GABBR2: variants seen among roughly 807,000 people sequenced by gnomAD.
GABBR2 encodes gamma-aminobutyric acid type B receptor subunit 2, also known as G-protein coupled receptor 51.
A neutral mutation model predicts 105.6 loss-of-function variants in GABBR2; 23 were observed. The observed-to-expected ratio is 0.22, with a 90% confidence interval of 0.16 to 0.31. The LOEUF (loss-of-function observed/expected upper bound fraction) is 0.31, where lower values mean the gene tolerates loss of function less well. Among genes scored for constraint, GABBR2 ranks in the 10% least tolerant of loss-of-function variants. The pLI is 1.00. For synonymous variants in GABBR2, 478 were observed against 499.7 expected, an observed-to-expected ratio of 0.96 and a Z score of 0.58; for missense variants, 734 against 1,245.5, an observed-to-expected ratio of 0.59 and a Z score of 6.18.
In GABBR2 at chr9:98,454,319, C is replaced by T; in HGVS notation, c.1000-102G>A. 1.3e-6 allele frequency: 1 copy of T among 792,506 alleles called. No individual in the cohort carries two copies. The highest frequency in any genetic ancestry group is 2.2e-6 in the Non-Finnish European group (1 of 445,356). The allele number at this position is 792,506 out of a possible 1,614,324, so 49.1% of individuals were successfully genotyped here. ...GCTATTCTTCAATGCCCACAGGGTG[C>T]CAGGTACAGTGCTAGATTCTACGTG... On this transcript the variant is annotated intron_variant, in intron 6 of 18. Transcript: ENST00000259455. The surrounding 1 kb of genome is among the most constrained non-coding windows in gnomAD (Gnocchi z 4.6).
intron 2 of GABBR2, among the ~76,000 whole-genome samples, chr9:98,545,286 G>A (rs1204411083): frequency 1.3e-5 from 2 of 152,110 alleles, no homozygotes; most frequent in East Asian, 3.9e-4. Flanking sequence ...AAATCATGTT[G>A]GGTGCAAAAT....
At chr9:98,297,423 C>T (rs1218965957) in intron 17 of GABBR2, among the ~76,000 whole-genome samples, 2 of 151,656 alleles carry the variant, frequency 1.3e-5, no homozygotes, top group East Asian at 3.9e-4. Flanking sequence ...CCAGCCTGGC[C>T]AACATGGTGA....
chr9:98,393,468 C>G (rs1564048842), intron 9 of GABBR2, among the ~76,000 whole-genome samples: 1 of 150,976 alleles, frequency 6.6e-6, no homozygotes, highest in Non-Finnish European at 1.5e-5. Flanking sequence ...TCCACCCAAC[C>G]ATCCATCCAT....
At chr9:98,504,159 C>T in intron 3 of GABBR2, among the ~76,000 whole-genome samples, 1 of 152,100 alleles carries the variant, frequency 6.6e-6, no homozygotes, top group East Asian at 1.9e-4. Flanking sequence ...CCTTAGCACC[C>T]CGAGCAGAAC....
At chr9:98,583,962 G>C (rs1829035921) in intron 1 of GABBR2, among the ~76,000 whole-genome samples, 1 of 152,188 alleles carries the variant, frequency 6.6e-6, no homozygotes, top group South Asian at 2.1e-4. Context: ...TTGTCTGTCT[G>C]ACAGCTTTTA....
intron 1 of GABBR2, among the ~76,000 whole-genome samples, chr9:98,610,863 G>A (rs546067796): frequency 7.2e-5 from 11 of 152,258 alleles, no homozygotes; most frequent in Admixed American, 2.0e-4. Context: ...AATACAAGGT[G>A]CCTCCTTAAT....
chr9:98,538,549 G>A (rs1397401418), intron 3 of GABBR2: 2 of 956,694 alleles, frequency 2.1e-6, no homozygotes, highest in South Asian at 4.8e-5. Context: ...GGCTTACCTT[G>A]AAACTCAGAG....
intron 1 of GABBR2, among the ~76,000 whole-genome samples, chr9:98,683,562 A>G (rs1830577507): frequency 6.6e-6 from 1 of 152,088 alleles, no homozygotes; most frequent in South Asian, 2.1e-4. Context: ...AAATACTTAA[A>G]TTTTGCATCC....
intron 7 of GABBR2, among the ~76,000 whole-genome samples, chr9:98,426,117 G>A (rs1483859283): frequency 2.0e-5 from 3 of 152,212 alleles, no homozygotes; most frequent in Non-Finnish European, 2.9e-5. Context: ...TTGAATCCCA[G>A]GCTAAGAAGT....
At chr9:98,302,173 C>A (rs964210078) in intron 16 of GABBR2, among the ~76,000 whole-genome samples, 1 of 152,212 alleles carries the variant, frequency 6.6e-6, no homozygotes. Flanking sequence ...CTAGAGACGA[C>A]GTTTCCCAGC....
intron 3 of GABBR2, among the ~76,000 whole-genome samples, chr9:98,535,830 A>C (rs557135608): frequency 6.6e-6 from 1 of 152,352 alleles, no homozygotes; most frequent in Non-Finnish European, 1.5e-5. Flanking sequence ...GGAAAAGGCA[A>C]AACTATGGGG....
chr9:98,536,549 A>G (rs1201208978), intron 3 of GABBR2, among the ~76,000 whole-genome samples: 1 of 152,012 alleles, frequency 6.6e-6, no homozygotes, highest in Non-Finnish European at 1.5e-5. Flanking sequence ...CTCCACCCCA[A>G]GCCCTATCTC....
At chr9:98,521,724 G>T (rs1464078430) in intron 3 of GABBR2, among the ~76,000 whole-genome samples, 1 of 152,082 alleles carries the variant, frequency 6.6e-6, no homozygotes, top group Non-Finnish European at 1.5e-5. Flanking sequence ...TTATCATCCA[G>T]TCTTCCAGAT....
chr9:98,345,648 G>A (rs910178721), intron 13 of GABBR2, among the ~76,000 whole-genome samples: 5 of 152,162 alleles, frequency 3.3e-5, no homozygotes, highest in Non-Finnish European at 5.9e-5. Flanking sequence ...AGACTGGGAA[G>A]GAAGAAATAA....
intron 17 of GABBR2, among the ~76,000 whole-genome samples, chr9:98,294,469 A>T (rs773965397): frequency 5.9e-5 from 9 of 151,964 alleles, no homozygotes; most frequent in Admixed American, 4.6e-4. Flanking sequence ...CTGTGCAAAG[A>T]TATATACAAG....
intron 13 of GABBR2, among the ~76,000 whole-genome samples, chr9:98,317,972 G>C (rs890552771): frequency 6.6e-6 from 1 of 152,202 alleles, no homozygotes; most frequent in Non-Finnish European, 1.5e-5. Context: ...GTGACATTTA[G>C]TCTGAGACCC....
At chr9:98,687,777 G>A (rs1419206703) in intron 1 of GABBR2, among the ~76,000 whole-genome samples, 2 of 152,170 alleles carry the variant, frequency 1.3e-5, no homozygotes, top group Non-Finnish European at 2.9e-5. Flanking sequence ...CACAGGACAG[G>A]GGCAATGCTT....
At chr9:98,341,600 AAC>A (rs1831214582) in intron 13 of GABBR2, among the ~76,000 whole-genome samples, 1 of 152,236 alleles carries the variant, frequency 6.6e-6, no homozygotes, top group Admixed American at 6.5e-5. Context: ...GGTTAAAAAG[AAC>A]ACAGAGTGGC....
intron 1 of GABBR2, among the ~76,000 whole-genome samples, chr9:98,658,518 T>C (rs138345982): frequency 1.2e-3 from 176 of 152,242 alleles, no homozygotes; most frequent in African/African-American, 4.0e-3. Context: ...AGTCTCCACA[T>C]GAAGACAAAT....
Sources: allele counts gnomAD v4.1 joint callset (sites outside exome capture counted in the v4.1 genomes callset), GRCh38; gene constraint gnomAD v4.1.1; non-coding constraint Gnocchi (gnomAD v3.1); transcripts MANE v1.5; gene names NCBI Gene and HGNC (gene_info 2026-07-23, HGNC 2026-07-21).